PAK5: variants seen among roughly 807,000 people sequenced by gnomAD.
PAK5 encodes serine/threonine-protein kinase PAK 5.
In PAK5, 16 loss-of-function variants were observed where a neutral mutation model predicts 65.9. The ratio of observed to expected loss-of-function variants is 0.24; its 90% CI spans 0.16 to 0.37. PAK5 has a LOEUF of 0.37. Among genes scored for constraint, PAK5 ranks in the 10% least tolerant of loss-of-function variants. The pLI, the probability that PAK5 is intolerant of heterozygous loss-of-function variation, is 1.00. For missense variants in PAK5, 785 were observed against 903.9 expected, an observed-to-expected ratio of 0.87 and a Z score of 1.69; for synonymous variants, 371 against 354.9, an observed-to-expected ratio of 1.05 and a Z score of -0.51.
At chr20:9,666,617 A>G (rs1471156491) in intron 2 of PAK5, among the ~76,000 whole-genome samples, 1 of 152,146 alleles carries the variant, frequency 6.6e-6, no homozygotes, top group Non-Finnish European at 1.5e-5. Flanking sequence ...ACTTCTGGCT[A>G]CAATGTCTCC....
chr20:9,694,606 G>C (rs972832698), intron 2 of PAK5, among the ~76,000 whole-genome samples: 4 of 151,948 alleles, frequency 2.6e-5, no homozygotes, highest in African/African-American at 9.7e-5. Flanking sequence ...TCTCCCACCA[G>C]AGATTGATTG....
intron 2 of PAK5, among the ~76,000 whole-genome samples, chr20:9,702,151 G>A (rs1302545947): frequency 6.6e-6 from 1 of 152,034 alleles, no homozygotes; most frequent in Non-Finnish European, 1.5e-5. Context: ...AAAATGACTG[G>A]GTAGCTCTAA....
intron 9 of PAK5, among the ~76,000 whole-genome samples, chr20:9,541,456 A>G (rs1281463216): frequency 6.6e-6 from 1 of 152,134 alleles, no homozygotes; most frequent in East Asian, 1.9e-4. Context: ...CATGACCTTC[A>G]TTGCCCTGTA....
intron 3 of PAK5, among the ~76,000 whole-genome samples, chr20:9,590,169 T>C (rs1246329836): frequency 1.3e-5 from 2 of 151,922 alleles, no homozygotes; most frequent in Non-Finnish European, 1.5e-5. Context: ...GGAGGTCTCA[T>C]TATGTTGCCC....
At chr20:9,641,164 G>T (rs1297814960) in intron 3 of PAK5, among the ~76,000 whole-genome samples, 2 of 151,946 alleles carry the variant, frequency 1.3e-5, no homozygotes, top group Non-Finnish European at 2.9e-5. Flanking sequence ...CGACACACAG[G>T]TTCTCCAAGG....
At chr20:9,562,815 G>A (rs2045611612) in intron 6 of PAK5, 76 bp downstream of exon 6, 6 of 1,373,764 alleles carry the variant, frequency 4.4e-6, no homozygotes, top group Non-Finnish European at 6.1e-6. Flanking sequence ...TTTATGAAGA[G>A]TTCATAGTCA....
At chr20:9,773,068 T>C (rs1276009452) in intron 1 of PAK5, among the ~76,000 whole-genome samples, 3 of 152,174 alleles carry the variant, frequency 2.0e-5, no homozygotes, top group Admixed American at 6.5e-5. Context: ...AGGGCTATGA[T>C]GAATTCAACA....
At chr20:9,708,387 T>C (rs973007532) in intron 2 of PAK5, among the ~76,000 whole-genome samples, 1 of 152,134 alleles carries the variant, frequency 6.6e-6, no homozygotes, top group East Asian at 1.9e-4. Context: ...ATTATATATA[T>C]ATAATCATGT....
At chr20:9,748,825 A>G (rs2048539402) in intron 1 of PAK5, among the ~76,000 whole-genome samples, 1 of 152,150 alleles carries the variant, frequency 6.6e-6, no homozygotes, top group South Asian at 2.1e-4. Context: ...AGCACCTCAA[A>G]TCTCATTAAT....
chr20:9,684,255 C>A (rs1256412878), intron 2 of PAK5, among the ~76,000 whole-genome samples: 1 of 152,126 alleles, frequency 6.6e-6, no homozygotes, highest in African/African-American at 2.4e-5. Context: ...TATGGTTCTG[C>A]CACTTACACT....
chr20:9,799,297 A>G (rs1477980538), intron 1 of PAK5, among the ~76,000 whole-genome samples: 1 of 152,160 alleles, frequency 6.6e-6, no homozygotes, highest in Non-Finnish European at 1.5e-5. Context: ...ACTGCTGTCC[A>G]CTTAATAGGT....
intron 1 of PAK5, among the ~76,000 whole-genome samples, chr20:9,771,791 C>T (rs1344340827): frequency 1.3e-5 from 2 of 151,984 alleles, no homozygotes; most frequent in African/African-American, 4.8e-5. Context: ...GTAATATCAA[C>T]ACTTTGGGAG....
intron 1 of PAK5, among the ~76,000 whole-genome samples, chr20:9,747,047 C>T (rs1189492804): frequency 1.3e-5 from 2 of 152,156 alleles, no homozygotes; most frequent in African/African-American, 4.8e-5. Context: ...TCAGAGAATA[C>T]TACAAACACC....
chr20:9,669,321 C>G (rs1021483624), intron 2 of PAK5, among the ~76,000 whole-genome samples: 1 of 152,112 alleles, frequency 6.6e-6, no homozygotes, highest in Non-Finnish European at 1.5e-5. Flanking sequence ...ATACACATGA[C>G]AGTGTTACAT....
At chr20:9,584,620 A>T (rs533458569) in intron 3 of PAK5, among the ~76,000 whole-genome samples, 17 of 152,238 alleles carry the variant, frequency 1.1e-4, no homozygotes, top group African/African-American at 3.8e-4. Flanking sequence ...CTTGTTTACC[A>T]CTTCTCTATT....
At position 9,538,622 on chromosome 20, in the gene PAK5, G is replaced by T. The variant is rs144444143; in HGVS notation, c.*840C>A. ...GGCACTGAGGGAAACATTGTGGTGT[G>T]CAAAAGAATGGTTTGCTACTAGAGG... On this transcript the variant is annotated 3_prime_UTR_variant, in exon 10 of 10. Transcript: ENST00000353224. 45 of 233,160 alleles carry T rather than the reference G, an allele frequency of 1.9e-4. No individual in the cohort carries two copies. In the East Asian group the frequency reaches 2.4e-3, roughly 12 times the overall value. 14.4% of individuals were successfully genotyped at this position (233,160 alleles called of 1,614,324 possible).
intron 3 of PAK5, among the ~76,000 whole-genome samples, chr20:9,598,213 C>T (rs566606214): frequency 1.3e-5 from 2 of 152,152 alleles, no homozygotes; most frequent in African/African-American, 2.4e-5. Context: ...TGCGGTGTTT[C>T]GTTTTGTGTT....
At chr20:9,665,293 TA>T (rs1319238758) in intron 2 of PAK5, among the ~76,000 whole-genome samples, 1 of 152,020 alleles carries the variant, frequency 6.6e-6, no homozygotes, top group Non-Finnish European at 1.5e-5. Flanking sequence ...AGTTATTTGA[TA>T]AAGCAGGAAA....
chr20:9,734,734 A>C (rs2048370651), intron 1 of PAK5, among the ~76,000 whole-genome samples: 1 of 152,194 alleles, frequency 6.6e-6, no homozygotes, highest in African/African-American at 2.4e-5. Context: ...GTGTGTAATA[A>C]CTACTCTCTG....
Sources: allele counts gnomAD v4.1 joint callset (sites outside exome capture counted in the v4.1 genomes callset), GRCh38; gene constraint gnomAD v4.1.1; transcripts MANE v1.5; gene names NCBI Gene and HGNC (gene_info 2026-07-23, HGNC 2026-07-21).